Variants in SNRPB observed in about 807,000 individuals in gnomAD.
SNRPB encodes small nuclear ribonucleoprotein polypeptides B and B1, also known as small nuclear ribonucleoprotein-associated proteins B and B'.
Under a neutral mutation model 26.6 loss-of-function variants are expected in SNRPB, and 5 were observed. That is an observed-to-expected ratio of 0.19 (90% CI 0.10 to 0.39). The LOEUF (loss-of-function observed/expected upper bound fraction) is 0.39, where lower values mean the gene tolerates loss of function less well. Ranked by LOEUF, SNRPB falls within the 10% of genes least tolerant of loss-of-function variation. The probability of loss-of-function intolerance (pLI) is 1.00; values close to 1 mark genes in which losing one functional copy is unlikely to be tolerated. For synonymous variants in SNRPB, 122 were observed against 105.8 expected (o/e 1.15, Z -0.94); for missense variants, 211 against 311.9 (o/e 0.68, Z 2.44).
In SNRPB at chr20:2,462,667, C is replaced by G; in HGVS notation, c.654G>C (p.Pro218=). 1.2e-6 allele frequency: 2 copies of G among 1,612,320 alleles called. No individual in the cohort carries two copies. The highest frequency in any genetic ancestry group is 3.3e-5 in the Admixed American group (2 of 59,966). The change falls in exon 6 of 7, where the codon CCG becomes CCC. Residue 218 remains proline (P), a synonymous_variant. Coordinates refer to ENST00000381342, the MANE Select transcript of SNRPB (RefSeq NM_003091.4). ...TCCCAGGGGGAGGAGGCCGCATTCCCGGAGGGGGCATGCCCATTGGAGTCC... is the reference window on the plus strand; with the variant it reads ...TCCCAGGGGGAGGAGGCCGCATTCCGGGAGGGGGCATGCCCATTGGAGTCC... ...GRGTPMGMPP[P]GMRPPPPGMR...
intron 2 of SNRPB, among the ~76,000 whole-genome samples, chr20:2,466,711 T>C (rs984242655): frequency 2.6e-5 from 4 of 152,252 alleles, no homozygotes; most frequent in Non-Finnish European, 4.4e-5. Context: ...CATAGACTTC[T>C]TTGTATTTTC....
At chr20:2,465,055 GC>G (rs1568463637) in intron 3 of SNRPB, among the ~76,000 whole-genome samples, 1 of 152,190 alleles carries the variant, frequency 6.6e-6, no homozygotes. Context: ...AAGTTACTAA[GC>G]CCTGGTTTAT....
chr20:2,468,769 T>C (rs774268615), intron 1 of SNRPB, among the ~76,000 whole-genome samples: 11 of 152,112 alleles, frequency 7.2e-5, no homozygotes, highest in South Asian at 2.1e-4. Flanking sequence ...CTACTAAAAT[T>C]ACAAAAATTA....
At chr20:2,464,734 G>T (rs1414401043) in intron 3 of SNRPB, among the ~76,000 whole-genome samples, 4 of 152,142 alleles carry the variant, frequency 2.6e-5, no homozygotes, top group African/African-American at 9.7e-5. Flanking sequence ...GCAGGGCGTG[G>T]TGGCTCACAT....
rs1430397061 is a variant in SNRPB at position 2,470,623 on chromosome 20, A to C, written c.3+65T>G. The C allele has an allele frequency of 3.7e-6, 6 of 1,604,426 alleles. No individual in the cohort carries two copies. In the African/African-American group the frequency reaches 8.0e-5, roughly 21 times the overall value. On this transcript the variant is annotated intron_variant, in intron 1 of 6. Coordinates refer to ENST00000381342, the MANE Select transcript of SNRPB (RefSeq NM_003091.4). The stretch of plus-strand genomic sequence containing the variant: ...CCAACCCACGGCTTCCTCCCCGATC[A>C]GTCGCGGTTCCCACTCCACAACAGA...
intron 3 of SNRPB, among the ~76,000 whole-genome samples, chr20:2,465,321 T>C (rs554004344): frequency 6.6e-6 from 1 of 152,220 alleles, no homozygotes; most frequent in Non-Finnish European, 1.5e-5. Flanking sequence ...GAGAAACAGG[T>C]AGAGCTTTAA....
At chr20:2,464,576 G>A (rs2085058803) in intron 3 of SNRPB, among the ~76,000 whole-genome samples, 1 of 152,140 alleles carries the variant, frequency 6.6e-6, no homozygotes. Flanking sequence ...AAAGTGTTGA[G>A]CAACTAGAAA....
At chr20:2,462,005 G>T in intron 6 of SNRPB, 66 bp from the exon 7 acceptor site, 1 of 1,133,362 alleles carries the variant, frequency 8.8e-7, no homozygotes, top group Non-Finnish European at 1.3e-6. Context: ...CCCTGCCCCA[G>T]CCTCCCACGC....
intron 5 of SNRPB, 93 bp from the exon 6 acceptor site, chr20:2,462,854 G>A (rs904018204): frequency 8.8e-7 from 1 of 1,140,238 alleles, no homozygotes; most frequent in African/African-American, 1.6e-5. Context: ...TTCTGAGATA[G>A]ATGGACCATT....
rs2085036644 is a variant in SNRPB at position 2,461,927 on chromosome 20, G to A, written c.*2C>T. 1 of 1,612,506 alleles carries A rather than the reference G, an allele frequency of 6.2e-7. No homozygotes were observed. ...GCTACTTCCATACTCTGTGGCCAAG[G>A]GTCAAAGAAGGCCTGAAGTAAGAGT... On this transcript the variant is annotated 3_prime_UTR_variant, in exon 7 of 7. Transcript: ENST00000381342.
rs367844426 is a variant in SNRPB, at chr20:2,463,929, C to A, written c.268-30G>T. 2.5e-5 allele frequency: 40 copies of A among 1,593,698 alleles called. No homozygotes were observed. Among genetic ancestry groups the A allele is most frequent in the African/African-American group, 4.0e-5 (3 of 74,416 alleles). On this transcript the variant is annotated intron_variant, in intron 3 of 6. Transcript: ENST00000381342. This position sits in a 1 kb window ranked among gnomAD's most constrained non-coding sequence, Gnocchi z 5.0. ...AAAATAAACAAATATGCTCTGATGC[C>A]CAGTGATCTGAAGATCAGAAGTATA...
chr20:2,468,133 C>T (rs1461626853), intron 1 of SNRPB, among the ~76,000 whole-genome samples: 4 of 152,210 alleles, frequency 2.6e-5, no homozygotes, highest in Non-Finnish European at 4.4e-5. Flanking sequence ...TGCTATGGAA[C>T]ATTCAAATCT....
At chr20:2,465,474 C>A (rs1395833964) in intron 3 of SNRPB, among the ~76,000 whole-genome samples, 1 of 150,366 alleles carries the variant, frequency 6.7e-6, no homozygotes, top group Admixed American at 6.6e-5. Flanking sequence ...GTCTCGAACT[C>A]CTGGGCTCAA....
chr20:2,464,293 G>A (rs933082756), intron 3 of SNRPB, among the ~76,000 whole-genome samples: 7 of 152,196 alleles, frequency 4.6e-5, no homozygotes, highest in Non-Finnish European at 1.0e-4. Context: ...ATCCCGGGCT[G>A]AGTTGCCTTA....
At chr20:2,462,995 C>T in intron 5 of SNRPB, 94 bp downstream of exon 5, 2 of 1,224,924 alleles carry the variant, frequency 1.6e-6, no homozygotes, top group Non-Finnish European at 2.3e-6. Flanking sequence ...ATTATACAAA[C>T]TCATCATCAG....
At chr20:2,467,398 A>AG (rs2085081003) in intron 2 of SNRPB, 2 of 647,812 alleles carry the variant, frequency 3.1e-6, no homozygotes, top group Admixed American at 2.4e-5. Flanking sequence ...GCAGCCCTTC[A>AG]CAACTTGTAC....
intron 5 of SNRPB, 94 bp from the exon 6 acceptor site, chr20:2,462,855 A>T (rs1001068628): frequency 1.8e-6 from 2 of 1,134,958 alleles, no homozygotes; most frequent in African/African-American, 3.1e-5. Flanking sequence ...TCTGAGATAG[A>T]TGGACCATTC....
At chr20:2,470,296 C>T (rs1214767419) in intron 1 of SNRPB, among the ~76,000 whole-genome samples, 2 of 90,060 alleles carry the variant, frequency 2.2e-5, no homozygotes, top group African/African-American at 5.4e-5. Context: ...TTCTCAGACT[C>T]ACAAACTTCC....
At position 2,463,333 on chromosome 20, in the gene SNRPB, C is replaced by G; in HGVS notation, c.421-106G>C. ...CAGTGGGAAATAACAGACACCAAAT[C>G]CCTTAATGCTACAACTCTCAGCACC... On this transcript the variant is annotated intron_variant, in intron 4 of 6. Transcript: ENST00000381342. The surrounding 1 kb of genome is among the most constrained non-coding windows in gnomAD (Gnocchi z 5.0). 1.2e-6 allele frequency: 1 copy of G among 842,648 alleles called. No homozygotes were observed. The allele number at this position is 842,648 out of a possible 1,614,324, so 52.2% of individuals were successfully genotyped here.
Sources: gnomAD v4.1 joint callset for allele counts (sites outside exome capture counted in the v4.1 genomes callset) on GRCh38, gnomAD v4.1.1 for gene constraint, Gnocchi (gnomAD v3.1) non-coding constraint, MANE v1.5 for transcripts, NCBI Gene and HGNC (gene_info 2026-07-23, HGNC 2026-07-21) for gene names.